SMAD2: variants seen among roughly 807,000 people sequenced by gnomAD.
The protein encoded by SMAD2 is SMAD family member 2.
In SMAD2, 8 loss-of-function variants were observed where a neutral mutation model predicts 64.4. The ratio of observed to expected loss-of-function variants is 0.12; its 90% confidence interval spans 0.07 to 0.22. The LOEUF is 0.22. Among genes scored for constraint, SMAD2 ranks in the 10% least tolerant of loss-of-function variants. The probability of loss-of-function intolerance (pLI) is 1.00; values close to 1 mark genes in which losing one functional copy is unlikely to be tolerated. For missense variants in SMAD2, 289 were observed against 561.2 expected (o/e 0.51, Z 4.90); for synonymous variants, 203 against 195.8 (o/e 1.04, Z -0.31).
At chr18:47,885,132 TACACACACACACACACACACAC>T (rs57342899) in intron 2 of SMAD2, among the ~76,000 whole-genome samples, 59 of 142,186 alleles carry the variant, frequency 4.1e-4, no homozygotes, top group Non-Finnish European at 6.1e-4. Context: ...TTTAGTCATA[TACACACACACACACACACACAC>T]ACACACACAC....
chr18:47,848,100 T>C (rs1914702156), intron 8 of SMAD2, among the ~76,000 whole-genome samples: 1 of 151,630 alleles, frequency 6.6e-6, no homozygotes, highest in South Asian at 2.1e-4. Context: ...GGGAGCTATA[T>C]AAAGAAACTG....
At chr18:47,905,110 G>A (rs1167064805) in intron 1 of SMAD2, among the ~76,000 whole-genome samples, 1 of 152,124 alleles carries the variant, frequency 6.6e-6, no homozygotes, top group Admixed American at 6.5e-5. Context: ...ATGGAAAAGT[G>A]CATGGAATCT....
chr18:47,867,434 C>T (rs1412253185), intron 5 of SMAD2: 1 of 151,570 alleles, frequency 6.6e-6, no homozygotes, highest in Non-Finnish European at 1.5e-5. Flanking sequence ...TTTAAATGTA[C>T]TAAAACTGTA....
At chr18:47,909,096 A>G (rs1255603507) in intron 1 of SMAD2, among the ~76,000 whole-genome samples, 1 of 152,072 alleles carries the variant, frequency 6.6e-6, no homozygotes, top group Admixed American at 6.6e-5. Context: ...AAAATTTGTG[A>G]AGCTGCCACT....
At position 47,822,710 on chromosome 18, in the gene SMAD2, C is replaced by T. The variant is rs1390918302; in HGVS notation, c.*19117G>A. ...TGTTTTTGTTTTTGAGACGGAGTCT[C>T]GCTCTGTTGCCCCAGCTGGAATGCA... On this transcript the variant is annotated 3_prime_UTR_variant, in exon 11 of 11. Transcript: ENST00000262160. The T allele has an allele frequency of 1.3e-5, 2 of 152,250 alleles. No homozygotes were observed. Among genetic ancestry groups the T allele is most frequent in the Non-Finnish European group, 2.9e-5 (2 of 68,054 alleles). 9.4% of individuals were successfully genotyped at this position (152,250 alleles called of 1,614,324 possible).
In SMAD2 at chr18:47,829,185, A is replaced by C. The variant is rs905610781; in HGVS notation, c.*12642T>G. The C allele has an allele frequency of 2.0e-5, 3 of 152,120 alleles. No individual in the cohort carries two copies. The highest frequency in any genetic ancestry group is 4.4e-5 in the Non-Finnish European group (3 of 68,034). The allele number at this position is 152,120 out of a possible 1,614,324, so 9.4% of individuals were successfully genotyped here. ...CCTGATGGAGACGTTTAATTTCTTCACTACAAGGAATTTCAAACTTATCTA... is the reference window on the plus strand; with the variant it reads ...CCTGATGGAGACGTTTAATTTCTTCCCTACAAGGAATTTCAAACTTATCTA... On this transcript the variant is annotated 3_prime_UTR_variant, in exon 11 of 11. Transcript: ENST00000262160.
intron 10 of SMAD2, among the ~76,000 whole-genome samples, chr18:47,842,711 C>T (rs1300420055): frequency 6.6e-6 from 1 of 152,106 alleles, no homozygotes; most frequent in Non-Finnish European, 1.5e-5. Context: ...AAAATTTTGG[C>T]CCAAGCTAAA....
chr18:47,930,280 A>C (rs1396374952), intron 1 of SMAD2, 81 bp downstream of exon 1: 3 of 151,926 alleles, frequency 2.0e-5, no homozygotes, highest in African/African-American at 7.3e-5. Context: ...CGCAGCGGCC[A>C]TGTGACACGG....
chr18:47,824,142 G>A lies in SMAD2; in HGVS notation c.*17685C>T, dbSNP rs1912667299. On this transcript the variant is annotated 3_prime_UTR_variant, in exon 11 of 11. Coordinates refer to ENST00000262160, the MANE Select transcript of SMAD2 (RefSeq NM_005901.6). ...AGGGACAATCAAAGCCTAACTACAA[G>A]ATGATTCATCATAGATACTTTCGGA... 3 of 152,240 alleles carry A rather than the reference G, an allele frequency of 2.0e-5. No homozygotes were observed. The South Asian group carries it at 6.2e-4, about 32-fold the overall frequency. The allele number at this position is 152,240 out of a possible 1,614,324, so 9.4% of individuals were successfully genotyped here. A position where few individuals can be genotyped will look rare whatever the true frequency, so the allele number is the denominator to read the frequency against.
intron 2 of SMAD2, among the ~76,000 whole-genome samples, chr18:47,885,848 G>C (rs2032873668): frequency 6.6e-6 from 1 of 152,102 alleles, no homozygotes; most frequent in Non-Finnish European, 1.5e-5. Flanking sequence ...TGTAATCCCA[G>C]GTATTCAAGA....
rs1359279212 is a variant in SMAD2 at position 47,824,950 on chromosome 18, A to C, written c.*16877T>G. ...GGAATGTGCTGTGAGTGAAGCTTCA[A>C]ACATTTTCCATTGAATATACACAGA... On this transcript the variant is annotated 3_prime_UTR_variant, in exon 11 of 11. Coordinates refer to ENST00000262160, the MANE Select transcript of SMAD2 (RefSeq NM_005901.6). 1.3e-5 allele frequency: 2 copies of C among 152,228 alleles called. No homozygotes were observed. The highest frequency in any genetic ancestry group is 4.8e-5 in the African/African-American group (2 of 41,462). 9.4% of individuals were successfully genotyped at this position (152,228 alleles called of 1,614,324 possible). A position where few individuals can be genotyped will look rare whatever the true frequency, so the allele number is the denominator to read the frequency against.
rs116665938 is a variant in SMAD2, at chr18:47,854,377, G to A, written c.731-3050C>T. Among the ~76,000 whole-genome samples, 1,439 of 152,206 alleles carry A rather than the reference G, an allele frequency of 9.5e-3. 23 individuals are homozygous for A. The highest frequency in any genetic ancestry group is 0.033 in the African/African-American group (1,351 of 41,550). ...TAAAATGTGTTAAACTTTTATAAGT[G>A]CCAAAATACCCTCTCAAAAATGTTT... On this transcript the variant is annotated intron_variant, in intron 6 of 10. Transcript: ENST00000262160.
rs540656001 is a variant in SMAD2 at position 47,836,064 on chromosome 18, C to G, written c.*5763G>C. ...TCTCATGGCACCAAACCAACTGGCA[C>G]TGAAGTTAAGTTAATATACTCCAGC... On this transcript the variant is annotated 3_prime_UTR_variant, in exon 11 of 11. Transcript: ENST00000262160. 11 of 215,344 alleles carry G rather than the reference C, an allele frequency of 5.1e-5. No individual in the cohort carries two copies. The East Asian group carries it at 7.6e-4, about 15-fold the overall frequency. 13.3% of individuals were successfully genotyped at this position (215,344 alleles called of 1,614,324 possible). A position where few individuals can be genotyped will look rare whatever the true frequency, so the allele number is the denominator to read the frequency against.
intron 1 of SMAD2, among the ~76,000 whole-genome samples, chr18:47,908,852 T>C (rs188053468): frequency 6.6e-6 from 1 of 152,296 alleles, no homozygotes; most frequent in East Asian, 1.9e-4. Flanking sequence ...CTCATGTAAT[T>C]TTCACCATGT....
intron 6 of SMAD2, among the ~76,000 whole-genome samples, chr18:47,855,622 G>A (rs1159551592): frequency 6.6e-6 from 1 of 151,898 alleles, no homozygotes; most frequent in East Asian, 1.9e-4. Flanking sequence ...GTTGGCAGGG[G>A]TACTTTTTTC....
chr18:47,872,172 T>C (rs1479077734), intron 2 of SMAD2, among the ~76,000 whole-genome samples: 4 of 152,336 alleles, frequency 2.6e-5, no homozygotes, highest in East Asian at 3.9e-4. Context: ...ACTGCTGCCA[T>C]AGGGTATATT....
intron 6 of SMAD2, among the ~76,000 whole-genome samples, chr18:47,863,433 C>G (rs539534826): frequency 3.9e-4 from 60 of 152,314 alleles, no homozygotes; most frequent in African/African-American, 1.4e-3. Flanking sequence ...TCAGCTTATT[C>G]TCCACTTTTG....
chr18:47,891,676 T>C (rs2033200915), intron 2 of SMAD2, among the ~76,000 whole-genome samples: 1 of 152,018 alleles, frequency 6.6e-6, no homozygotes, highest in Non-Finnish European at 1.5e-5. Flanking sequence ...AGGTGAATGC[T>C]GCCACGTCTG....
At chr18:47,902,592 A>C (rs2033728720) in intron 1 of SMAD2, among the ~76,000 whole-genome samples, 1 of 152,220 alleles carries the variant, frequency 6.6e-6, no homozygotes, top group South Asian at 2.1e-4. Context: ...AACAACAGAA[A>C]ACGTGTCAGT....
Sources: allele counts gnomAD v4.1 joint callset (sites outside exome capture counted in the v4.1 genomes callset), GRCh38; gene constraint gnomAD v4.1.1; transcripts MANE v1.5; gene names NCBI Gene and HGNC (gene_info 2026-07-23, HGNC 2026-07-21).